The following ASB5 variants were observed in gnomAD, a reference collection of about 807,000 sequenced individuals.
ASB5 encodes the protein ankyrin repeat and SOCS box protein 5.
ASB5 carries 45 observed loss-of-function variants against 42.1 expected under a neutral mutation model. The observed-to-expected ratio is 1.07, with a 90% CI of 0.84 to 1.37. ASB5 has a LOEUF of 1.37. Among genes scored for constraint, ASB5 ranks in the 40% most tolerant of loss-of-function variants. The probability of loss-of-function intolerance (pLI) is 0.00; values close to 1 mark genes in which losing one functional copy is unlikely to be tolerated. For synonymous variants in ASB5, 147 were observed against 150.6 expected, an observed-to-expected ratio of 0.98 and a Z score of 0.18; for missense variants, 402 against 399.8, an observed-to-expected ratio of 1.01 and a Z score of -0.05.
At chr4:176,247,638 T>C (rs746576802) in intron 1 of ASB5, among the ~76,000 whole-genome samples, 3 of 152,146 alleles carry the variant, frequency 2.0e-5, no homozygotes, top group Non-Finnish European at 2.9e-5. Context: ...TGGTGAAAAA[T>C]GGACTTACAC....
chr4:176,272,543 T>A (rs908645775), upstream of ASB5, among the ~76,000 whole-genome samples: 7 of 152,104 alleles, frequency 4.6e-5, no homozygotes, highest in African/African-American at 1.7e-4. Context: ...CTGCCTCTTT[T>A]TCTCACCTCC....
Position 176,225,324 on chromosome 4 carries a change from A to T in ASB5, c.214T>A (p.Ser72Thr), listed in dbSNP as rs909553754. ...TGACTTGCTGCTTCATGTAGTGGTG[A>T]TCGATCTGCCCAGGAACCTGTCAAA... The part of the protein sequence containing the change: ...TQGQGSWADR[S>T]PLHEAASQGR... The change falls in exon 2 of 7, where the codon TCA (serine) becomes ACA (threonine). Residue 72 changes from serine to threonine, a missense_variant. Transcript: ENST00000296525. 6 of 1,614,000 alleles carry T rather than the reference A, an allele frequency of 3.7e-6. No homozygotes were observed. The highest frequency in any genetic ancestry group is 1.7e-5 in the Admixed American group (1 of 60,004).
intron 1 of ASB5, among the ~76,000 whole-genome samples, chr4:176,226,444 A>G (rs1753381031): frequency 6.6e-6 from 1 of 152,000 alleles, no homozygotes; most frequent in Admixed American, 6.6e-5. Flanking sequence ...GAGCCACGCT[A>G]CCTCATCCCA....
chr4:176,219,139 T>TATATAAATATATATTTGTATGAC (rs1561250741), intron 5 of ASB5, among the ~76,000 whole-genome samples: 1 of 118,606 alleles, frequency 8.4e-6, no homozygotes, highest in Non-Finnish European at 1.6e-5. Flanking sequence ...ATTTGTATGA[T>TATATAAATATATATTTGTATGAC]ATATAAATAT....
upstream of ASB5, among the ~76,000 whole-genome samples, chr4:176,274,078 G>T (rs183412313): frequency 2.6e-5 from 4 of 152,296 alleles, no homozygotes; most frequent in Admixed American, 2.0e-4. Flanking sequence ...TCCTCTGCAG[G>T]GGGAGGCTAA....
At chr4:176,219,099 A>ATTTGTATG (rs1753087591) in intron 5 of ASB5, among the ~76,000 whole-genome samples, 1 of 17,056 alleles carries the variant, frequency 5.9e-5, no homozygotes, top group Admixed American at 7.3e-4. Flanking sequence ...ATGATATATA[A>ATTTGTATG]ATATATATAT....
At position 176,230,423 on chromosome 4, in the gene ASB5, A is replaced by G. The variant is rs1046834961; in HGVS notation, c.197-5082T>C. Among the ~76,000 whole-genome samples, 3 of 152,208 alleles carry G rather than the reference A, an allele frequency of 2.0e-5. 1 individual carries two copies. Among genetic ancestry groups the G allele is most frequent in the Admixed American group, 2.0e-4 (3 of 15,276 alleles). ...TATATTTTTTCTTTCTGAAATAAGA[A>G]ATGAAGCTCTATCAATCTATTAAAG... On this transcript the variant is annotated intron_variant, in intron 1 of 6. Coordinates refer to ENST00000296525, the MANE Select transcript of ASB5 (RefSeq NM_080874.4).
At chr4:176,229,484 A>G (rs566996413) in intron 1 of ASB5, among the ~76,000 whole-genome samples, 1 of 152,312 alleles carries the variant, frequency 6.6e-6, no homozygotes, top group South Asian at 2.1e-4. Flanking sequence ...CAATTTCAGC[A>G]TTACTTGCTA....
At chr4:176,228,513 A>G (rs1269734421) in intron 1 of ASB5, among the ~76,000 whole-genome samples, 1 of 152,232 alleles carries the variant, frequency 6.6e-6, no homozygotes, top group African/African-American at 2.4e-5. Flanking sequence ...AATAACAGAT[A>G]TAAGTTTCCA....
chr4:176,261,421 T>G (rs992322640), intron 1 of ASB5, among the ~76,000 whole-genome samples: 1 of 152,240 alleles, frequency 6.6e-6, no homozygotes, highest in Admixed American at 6.5e-5. Flanking sequence ...AACTTCTGAC[T>G]TTTAGATATA....
intron 1 of ASB5, among the ~76,000 whole-genome samples, chr4:176,236,750 T>C (rs1349947974): frequency 6.6e-6 from 1 of 152,178 alleles, no homozygotes; most frequent in Admixed American, 6.5e-5. Context: ...CATACTGGTG[T>C]TCTACTAAAA....
At chr4:176,256,419 G>T (rs564229265) in intron 1 of ASB5, among the ~76,000 whole-genome samples, 25 of 152,236 alleles carry the variant, frequency 1.6e-4, no homozygotes, top group African/African-American at 5.1e-4. Flanking sequence ...CAGTGGCCTG[G>T]TAAAGGGGCA....
chr4:176,220,016 A>G (rs1482019838), intron 5 of ASB5, among the ~76,000 whole-genome samples: 2 of 152,206 alleles, frequency 1.3e-5, no homozygotes, highest in African/African-American at 4.8e-5. Flanking sequence ...CACTAATGAT[A>G]GCTGATGAGC....
At chr4:176,247,803 T>A (rs1184902415) in intron 1 of ASB5, among the ~76,000 whole-genome samples, 1 of 152,246 alleles carries the variant, frequency 6.6e-6, no homozygotes, top group Non-Finnish European at 1.5e-5. Context: ...AATTTGACTA[T>A]TTTTAAATTA....
At position 176,213,773 on chromosome 4, in the gene ASB5, A is replaced by C. The variant is rs1752896362; in HGVS notation, c.*1827T>G. 1 of 152,128 alleles carries C rather than the reference A, an allele frequency of 6.6e-6. No homozygotes were observed. The highest frequency in any genetic ancestry group is 6.6e-5 in the Admixed American group (1 of 15,258). The allele number at this position is 152,128 out of a possible 1,614,324, so 9.4% of individuals were successfully genotyped here. On this transcript the variant is annotated 3_prime_UTR_variant, in exon 7 of 7. Coordinates refer to ENST00000296525, the MANE Select transcript of ASB5 (RefSeq NM_080874.4). ...TGATAAGACAATCATACTCAAGCTA[A>C]GATACAAGGTACAGACATACTGAAA... is the stretch of plus-strand genomic sequence containing the variant.
chr4:176,230,256 TC>T (rs1180167288), intron 1 of ASB5, among the ~76,000 whole-genome samples: 1 of 152,112 alleles, frequency 6.6e-6, no homozygotes, highest in Non-Finnish European at 1.5e-5. Flanking sequence ...AACAATCTTT[TC>T]CCCCAAGATA....
Position 176,219,216 on chromosome 4 carries a change from AAT to A in ASB5, c.670+1937_670+1938del, listed in dbSNP as rs1198802321. Among the ~76,000 whole-genome samples, 5 of 116,014 alleles carry A rather than the reference AAT, an allele frequency of 4.3e-5. 1 individual carries two copies. Among genetic ancestry groups the A allele is most frequent in the African/African-American group, 1.8e-4 (5 of 28,412 alleles). 76.1% of individuals were successfully genotyped at this position (116,014 alleles called of 152,430 possible). A position where few individuals can be genotyped will look rare whatever the true frequency, so the allele number is the denominator to read the frequency against. ...AATATATATATTTGTATGACAGATA[AAT>A]ATATATATTTGTATGATATATAAAT... On this transcript the variant is annotated intron_variant, in intron 5 of 6. Transcript: ENST00000296525.
rs1752908654 is a variant in ASB5, at chr4:176,214,274, G to A, written c.*1326C>T. 1.3e-5 allele frequency: 2 copies of A among 152,030 alleles called. No individual in the cohort carries two copies. Among genetic ancestry groups the A allele is most frequent in the African/African-American group, 4.8e-5 (2 of 41,412 alleles). The allele number at this position is 152,030 out of a possible 1,614,324, so 9.4% of individuals were successfully genotyped here. ...AATAAGCCCTGGGTTGTTGAAAATA[G>A]TGGTCAAAATATTTACTTTATCAAA... On this transcript the variant is annotated 3_prime_UTR_variant, in exon 7 of 7. Coordinates refer to ENST00000296525, the MANE Select transcript of ASB5 (RefSeq NM_080874.4).
intron 1 of ASB5, among the ~76,000 whole-genome samples, chr4:176,246,504 G>A (rs1456541222): frequency 6.6e-6 from 1 of 152,186 alleles, no homozygotes; most frequent in Admixed American, 6.5e-5. Context: ...ACACCACAGT[G>A]CAGTTGCTTA....
Sources: gnomAD v4.1 joint callset for allele counts (sites outside exome capture counted in the v4.1 genomes callset) on GRCh38, gnomAD v4.1.1 for gene constraint, MANE v1.5 for transcripts, NCBI Gene and HGNC (gene_info 2026-07-23, HGNC 2026-07-21) for gene names.